Variants in CCDC9 observed in about 807,000 individuals in gnomAD.
CCDC9 encodes the protein coiled-coil domain-containing protein 9.
A neutral mutation model predicts 65.6 loss-of-function variants in CCDC9; 52 were observed. The ratio of observed to expected loss-of-function variants is 0.79; its 90% CI spans 0.63 to 1.00. CCDC9 has a LOEUF of 1.00. CCDC9 is among the 50% of genes least tolerant of loss of function. CCDC9 has a pLI of 0.00. For missense variants in CCDC9, 834 were observed against 757.2 expected (o/e 1.10, Z -1.19); for synonymous variants, 332 against 280.3 (o/e 1.18, Z -1.84).
chr19:47,273,806 C>G (rs540511217), downstream of CCDC9: 1 of 281,710 alleles, frequency 3.5e-6, no homozygotes, highest in Non-Finnish European at 6.1e-6. Context: ...GGCGCCAGCC[C>G]TGTCGTATTA....
In CCDC9 at chr19:47,258,328, A is replaced by T; in HGVS notation, c.-71-2A>T. The T allele has an allele frequency of 6.4e-7, 1 of 1,555,490 alleles. No individual in the cohort carries two copies. The highest frequency in any genetic ancestry group is 1.1e-5 in the South Asian group (1 of 89,716). On this transcript the variant is annotated splice_acceptor_variant, in intron 1 of 11. Coordinates refer to ENST00000221922, the MANE Select transcript of CCDC9 (RefSeq NM_015603.3). LOFTEE classifies it low-confidence loss of function (5UTR_SPLICE). ...TTGTCCTTTTTTTCCCTCTGTCCCC[A>T]GGAACCCTCAGTGCTGCGTCTAGAT...
Position 47,271,540 on chromosome 19 carries a change from T to C in CCDC9, c.1458T>C (p.Pro486=). ...TGGAGCCCCAGGCCCCTGGCACGCC[T>C]TCCAGCCCTTTCTCACCACCCAGCG... The part of the protein sequence containing the change: ...PLLEPQAPGT[P]SSPFSPPSGH... Residue 486 remains proline (P), a synonymous_variant, in exon 12 of 12, where the codon CCT becomes CCC. Transcript: ENST00000221922. 6.2e-7 allele frequency: 1 copy of C among 1,613,144 alleles called. No individual in the cohort carries two copies. Among genetic ancestry groups the C allele is most frequent in the South Asian group, 1.1e-5 (1 of 91,048 alleles).
At chr19:47,274,270 G>A (rs562340446), downstream of CCDC9, among the ~76,000 whole-genome samples, 1 of 151,336 alleles carries the variant, frequency 6.6e-6, no homozygotes, top group South Asian at 2.1e-4. Context: ...GAGCTAGGCT[G>A]CCTGGGCGGG....
intron 1 of CCDC9, chr19:47,258,112 A>G: frequency 1.9e-6 from 1 of 525,344 alleles, no homozygotes; most frequent in South Asian, 2.2e-5. Flanking sequence ...GATCGTTTAC[A>G]TGGGAACTGG....
chr19:47,258,645 C>T lies in CCDC9; in HGVS notation c.90C>T (p.Ala30=). The T allele has an allele frequency of 6.2e-7, 1 of 1,613,880 alleles. No individual in the cohort carries two copies. Among genetic ancestry groups the T allele is most frequent in the South Asian group, 1.1e-5 (1 of 91,076 alleles). The part of the protein sequence containing the change: ...RIEALRRKNE[A]LIRRYQEIEE... ...AGGCTCTTCGGCGGAAGAATGAGGC[C>T]CTCATCCGGCGCTACCAGGTGCCCT... is the stretch of plus-strand genomic sequence containing the variant. The change falls in exon 3 of 12, where the codon GCC becomes GCT. Residue 30 remains alanine (A), a synonymous_variant. Transcript: ENST00000221922.
chr19:47,267,582 C>T (rs114429109), intron 8 of CCDC9, among the ~76,000 whole-genome samples: 2,830 of 152,280 alleles, frequency 0.019, 119 homozygotes, highest in African/African-American at 0.065. Context: ...GCCTGGGGAG[C>T]GCTTGCCCTG....
At chr19:47,262,468 CG>C (rs1324980374) in intron 5 of CCDC9, among the ~76,000 whole-genome samples, 1 of 152,062 alleles carries the variant, frequency 6.6e-6, no homozygotes, top group Non-Finnish European at 1.5e-5. Context: ...CCTACCGCCT[CG>C]GCCTCCCAAA....
chr19:47,266,555 T>G, intron 7 of CCDC9, 56 bp from the exon 8 acceptor site: 2 of 1,450,984 alleles, frequency 1.4e-6, no homozygotes, highest in Non-Finnish European at 1.8e-6. Context: ...CCTCGGGGCT[T>G]AGGGGCGGGG....
chr19:47,270,621 G>A lies in CCDC9; in HGVS notation c.1018G>A (p.Glu340Lys), dbSNP rs1332371903. ...GGAGTTCCTGTCCCAGCACAAAGCTGAGGCCAGCAGCCGCAGAAGGAGAAA... is the reference window on the plus strand; with the variant it reads ...GGAGTTCCTGTCCCAGCACAAAGCTAAGGCCAGCAGCCGCAGAAGGAGAAA... ...FGEFLSQHKAEASSRRRRKSS... is the reference protein window; with the variant it reads ...FGEFLSQHKAKASSRRRRKSS... The change falls in exon 10 of 12, where the codon GAG becomes AAG. Residue 340 changes from glutamate to lysine, a missense_variant. Physicochemically the swap from Glu to Lys is moderately conservative, Grantham distance 56. Transcript: ENST00000221922. 1.2e-6 allele frequency: 2 copies of A among 1,613,212 alleles called. No individual in the cohort carries two copies. Among genetic ancestry groups the A allele is most frequent in the East Asian group, 4.5e-5 (2 of 44,880 alleles).
chr19:47,275,196 CTCTCCTGCCTCCT>C (rs777149506), downstream of CCDC9: 1 of 1,503,054 alleles, frequency 6.7e-7, no homozygotes, highest in South Asian at 1.3e-5. Flanking sequence ...CGCTGCCTCC[CTCTCCTGCCTCCT>C]GGGAGTCCCC....
In CCDC9 at chr19:47,266,608, C is replaced by A; in HGVS notation, c.721-3C>A. On this transcript the variant is annotated splice_polypyrimidine_tract_variant and splice_region_variant and intron_variant, in intron 7 of 11. Transcript: ENST00000221922. ...CCCTGACTCCCTGTGGGCTGGGGGGCAGGGCCGCCGAGCTGGCCTGGGCAG... is the reference window on the plus strand; with the variant it reads ...CCCTGACTCCCTGTGGGCTGGGGGGAAGGGCCGCCGAGCTGGCCTGGGCAG... 2.0e-6 allele frequency: 3 copies of A among 1,519,480 alleles called. No individual in the cohort carries two copies. Among genetic ancestry groups the A allele is most frequent in the South Asian group, 1.3e-5 (1 of 79,290 alleles). The allele number at this position is 1,519,480 out of a possible 1,614,324, so 94.1% of individuals were successfully genotyped here. A position where few individuals can be genotyped will look rare whatever the true frequency, so the allele number is the denominator to read the frequency against.
rs1203148783 is a variant in CCDC9 at position 47,258,174 on chromosome 19, A to G, written c.-71-156A>G. 8.4e-6 allele frequency: 5 copies of G among 596,284 alleles called. No homozygotes were observed. The East Asian group carries it at 1.1e-4, about 13-fold the overall frequency. 36.9% of individuals were successfully genotyped at this position (596,284 alleles called of 1,614,324 possible). A position where few individuals can be genotyped will look rare whatever the true frequency, so the allele number is the denominator to read the frequency against. ...CTGAGTCTGAATTTCTATGGAGAAGATGGAGGTGGCAGTTGAAAGGAGGGA... is the reference window on the plus strand; with the variant it reads ...CTGAGTCTGAATTTCTATGGAGAAGGTGGAGGTGGCAGTTGAAAGGAGGGA... On this transcript the variant is annotated intron_variant, in intron 1 of 11. Coordinates refer to ENST00000221922, the MANE Select transcript of CCDC9 (RefSeq NM_015603.3).
chr19:47,270,849 C>T (rs2059112099), intron 10 of CCDC9, among the ~76,000 whole-genome samples, 161 bp downstream of exon 10: 1 of 152,114 alleles, frequency 6.6e-6, no homozygotes, highest in Admixed American at 6.6e-5. Context: ...TGGGATCTGG[C>T]TCTTGGTTTT....
intron 1 of CCDC9, 25 bp from the exon 2 acceptor site, chr19:47,258,305 G>GTA: frequency 2.2e-6 from 3 of 1,383,406 alleles, no homozygotes; most frequent in Admixed American, 1.7e-5. Context: ...ATTGGCCTTT[G>GTA]TCCTTTTTTT....
At chr19:47,258,309 T>TTAAAAAA in intron 1 of CCDC9, 21 bp from the exon 2 acceptor site, 2 of 1,418,124 alleles carry the variant, frequency 1.4e-6, no homozygotes, top group Admixed American at 1.7e-5. Context: ...GCCTTTGTCC[T>TTAAAAAA]TTTTTTCCCT....
chr19:47,274,891 T>A (rs1297539303), downstream of CCDC9: 3 of 1,205,136 alleles, frequency 2.5e-6, no homozygotes, highest in African/African-American at 5.6e-5. Context: ...CTGTGCGGTC[T>A]GCGGCGCGGA....
In CCDC9 at chr19:47,271,724, TGTGTGTGTGCGCGCGCGCGCGCGCGC is replaced by T. The variant is rs1367725154; in HGVS notation, c.*48_*73del. The stretch of plus-strand genomic sequence containing the variant: ...GTGTGTGTGTGTGTGTGTGTGTGTG[TGTGTGTGTGCGCGCGCGCGCGCGCGC>T]GCGCGCGCGCTAGAGGGGTGTGGCT... On this transcript the variant is annotated 3_prime_UTR_variant, in exon 12 of 12. Transcript: ENST00000221922. 53 of 1,266,056 alleles carry T rather than the reference TGTGTGTGTGCGCGCGCGCGCGCGCGC, an allele frequency of 4.2e-5. No homozygotes were observed. Among genetic ancestry groups the T allele is most frequent in the African/African-American group, 3.0e-4 (14 of 47,408 alleles). 78.4% of individuals were successfully genotyped at this position (1,266,056 alleles called of 1,614,324 possible). A position where few individuals can be genotyped will look rare whatever the true frequency, so the allele number is the denominator to read the frequency against.
chr19:47,266,555 T>C, intron 7 of CCDC9, 56 bp from the exon 8 acceptor site: 1 of 1,450,984 alleles, frequency 6.9e-7, no homozygotes, highest in Non-Finnish European at 9.1e-7. Flanking sequence ...CCTCGGGGCT[T>C]AGGGGCGGGG....
chr19:47,272,305 A>C (rs546719761), downstream of CCDC9: 5 of 463,898 alleles, frequency 1.1e-5, no homozygotes, highest in African/African-American at 8.2e-5. Flanking sequence ...GTGAGCTCGG[A>C]TAGGGATGGG....
Sources: gnomAD v4.1 joint callset for allele counts (sites outside exome capture counted in the v4.1 genomes callset) on GRCh38, gnomAD v4.1.1 for gene constraint, MANE v1.5 for transcripts, NCBI Gene and HGNC (gene_info 2026-07-23, HGNC 2026-07-21) for gene names.